The following DRC7 variants were observed in gnomAD, a reference collection of about 807,000 sequenced individuals.
DRC7 encodes the protein coiled-coil domain containing 135.
In DRC7, 80 loss-of-function variants were observed where a neutral mutation model predicts 104.4. That is an observed-to-expected ratio of 0.77 (90% CI 0.64 to 0.92). The LOEUF is 0.92. Among genes scored for constraint, DRC7 ranks in the 40% least tolerant of loss-of-function variants. The pLI is 0.00. For missense variants in DRC7, 1,034 were observed against 1,141.1 expected (o/e 0.91, Z 1.35); for synonymous variants, 405 against 447.3 (o/e 0.91, Z 1.19).
Position 57,727,379 on chromosome 16 carries a change from T to G in DRC7, c.2166T>G (p.Asn722Lys). 6.2e-7 allele frequency: 1 copy of G among 1,613,348 alleles called. No individual in the cohort carries two copies. Among genetic ancestry groups the G allele is most frequent in the Non-Finnish European group, 8.5e-7 (1 of 1,179,826 alleles). The change falls in exon 16 of 19, where the codon AAT (asparagine) becomes AAG (lysine). Residue 722 changes from asparagine to lysine, a missense_variant. Asn to Lys is a moderately conservative substitution (Grantham distance 94, BLOSUM62 0). Coordinates refer to ENST00000360716, the MANE Select transcript of DRC7 (RefSeq NM_001289162.2). ...TCTCCATCTATGACACCAAGCGGAA[T>G]GAGAAGAGCAAGGAATATCGGGAGG... ...LTISIYDTKR[N>K]EKSKEYREAM...
At chr16:57,715,628 A>G (rs1350725026) in intron 8 of DRC7, among the ~76,000 whole-genome samples, 1 of 152,228 alleles carries the variant, frequency 6.6e-6, no homozygotes, top group African/African-American at 2.4e-5. Flanking sequence ...CTAGCTGTTC[A>G]ATAAATGTTA....
At chr16:57,729,909 GGTGGGTGGATGGATGA>G (rs2049036087) in intron 17 of DRC7, among the ~76,000 whole-genome samples, 2 of 133,726 alleles carry the variant, frequency 1.5e-5, no homozygotes, top group Non-Finnish European at 3.2e-5. Flanking sequence ...TGAGTGAGTA[GGTGGGTGGATGGATGA>G]GTGGGTGGGT....
intron 7 of DRC7, among the ~76,000 whole-genome samples, chr16:57,705,790 CCATCCATCCTCCCATT>C (rs1316512240): frequency 8.9e-5 from 12 of 134,928 alleles, no homozygotes; most frequent in Admixed American, 3.7e-4. Flanking sequence ...ATCCTCCCAT[CCATCCATCCTCCCATT>C]TCTCCTCCCA....
chr16:57,730,822 T>C (rs1206932609), intron 17 of DRC7, 109 bp from the exon 18 acceptor site: 1 of 1,240,526 alleles, frequency 8.1e-7, no homozygotes, highest in African/African-American at 1.5e-5. Context: ...GTGGGGACAC[T>C]GGGGCCAACC....
At chr16:57,726,625 G>A (rs578220709) in intron 14 of DRC7, 5 of 556,914 alleles carry the variant, frequency 9.0e-6, no homozygotes, top group Admixed American at 6.2e-5. Context: ...TCACTCTCCC[G>A]GCACAGTCCC....
chr16:57,727,717 G>C (rs2048989050), intron 16 of DRC7, among the ~76,000 whole-genome samples: 1 of 152,252 alleles, frequency 6.6e-6, no homozygotes, highest in Admixed American at 6.5e-5. Flanking sequence ...CCCTGGGCCA[G>C]TGGCCCCAGT....
In DRC7 at chr16:57,727,423, C is replaced by T. The variant is rs866557743; in HGVS notation, c.2196+14C>T. The T allele has an allele frequency of 6.3e-7, 1 of 1,590,062 alleles. No individual in the cohort carries two copies. Among genetic ancestry groups the T allele is most frequent in the Non-Finnish European group, 8.6e-7 (1 of 1,158,886 alleles). On this transcript the variant is annotated intron_variant, in intron 16 of 18. Transcript: ENST00000360716. ...CGGGAGGCCATGGTCAGTCCCAATC[C>T]CTTCTCCAGGCCCCAGCTTTTCCTA...
In DRC7 at chr16:57,727,418, C is replaced by T. The variant is rs755515282; in HGVS notation, c.2196+9C>T. On this transcript the variant is annotated intron_variant, in intron 16 of 18. Transcript: ENST00000360716. ...AATATCGGGAGGCCATGGTCAGTCC[C>T]AATCCCTTCTCCAGGCCCCAGCTTT... is the stretch of plus-strand genomic sequence containing the variant. 5 of 1,600,396 alleles carry T rather than the reference C, an allele frequency of 3.1e-6. No homozygotes were observed. The highest frequency in any genetic ancestry group is 4.3e-6 in the Non-Finnish European group (5 of 1,168,234).
At chr16:57,697,536 C>T (rs1478207685) in intron 2 of DRC7, among the ~76,000 whole-genome samples, 2 of 151,544 alleles carry the variant, frequency 1.3e-5, no homozygotes, top group Admixed American at 1.3e-4. Flanking sequence ...CTGCTGCACT[C>T]CAAGCCTGAG....
At chr16:57,700,704 C>T (rs1048647612) in intron 5 of DRC7, among the ~76,000 whole-genome samples, 19 of 147,982 alleles carry the variant, frequency 1.3e-4, no homozygotes, top group Non-Finnish European at 2.2e-4. Flanking sequence ...TGGAGAACAG[C>T]GAAAGTGAGA....
At position 57,731,262 on chromosome 16, in the gene DRC7, C is replaced by T. The variant is rs2049059654; in HGVS notation, c.*4C>T. On this transcript the variant is annotated 3_prime_UTR_variant, in exon 19 of 19. Coordinates refer to ENST00000360716, the MANE Select transcript of DRC7 (RefSeq NM_001289162.2). ...GCTCCAGAAAATATTCGCTTGATGT[C>T]CCTCCTGGGGCCTCAGCCAGAGCTG... is the stretch of plus-strand genomic sequence containing the variant. 1.2e-6 allele frequency: 2 copies of T among 1,610,354 alleles called. No individual in the cohort carries two copies. The highest frequency in any genetic ancestry group is 1.7e-6 in the Non-Finnish European group (2 of 1,177,370).
At chr16:57,703,889 C>G (rs1052778487) in intron 6 of DRC7, among the ~76,000 whole-genome samples, 1 of 147,764 alleles carries the variant, frequency 6.8e-6, no homozygotes, top group East Asian at 2.0e-4. Flanking sequence ...ATCGCTTGAA[C>G]CTGCAAGGTG....
chr16:57,726,321 A>C, intron 14 of DRC7, 38 bp downstream of exon 14: 2 of 1,563,476 alleles, frequency 1.3e-6, no homozygotes, highest in Non-Finnish European at 1.8e-6. Flanking sequence ...GGTCGGCTGC[A>C]GGAGGAACCG....
intron 8 of DRC7, among the ~76,000 whole-genome samples, chr16:57,708,810 T>C (rs188579772): frequency 1.3e-5 from 2 of 152,318 alleles, no homozygotes; most frequent in East Asian, 3.9e-4. Flanking sequence ...CATGTAATGG[T>C]ATTGCACTGT....
In DRC7 at chr16:57,698,157, G is replaced by C; in HGVS notation, c.203+5G>C. On this transcript the variant is annotated splice_donor_5th_base_variant and intron_variant, in intron 3 of 18. Coordinates refer to ENST00000360716, the MANE Select transcript of DRC7 (RefSeq NM_001289162.2). ...CACTGTCTCAGCGGAGCTCCCGTGA[G>C]TGTGGCAGGGTGGGGGCCCTGGCAA... The C allele has an allele frequency of 1.9e-6, 3 of 1,613,948 alleles. No individual in the cohort carries two copies. Among genetic ancestry groups the C allele is most frequent in the Non-Finnish European group, 2.5e-6 (3 of 1,179,976 alleles).
chr16:57,726,718 C>A, intron 14 of DRC7, 114 bp from the exon 15 acceptor site: 1 of 635,764 alleles, frequency 1.6e-6, no homozygotes, highest in Non-Finnish European at 2.9e-6. Flanking sequence ...AGAGGTTTAG[C>A]AACTTGCTCG....
In DRC7 at chr16:57,697,945, C is replaced by A. The variant is rs2048614160; in HGVS notation, c.-5C>A. 2 of 1,611,414 alleles carry A rather than the reference C, an allele frequency of 1.2e-6. No homozygotes were observed. Among genetic ancestry groups the A allele is most frequent in the Non-Finnish European group, 1.7e-6 (2 of 1,179,408 alleles). ...CCATCTCCAGACACCCAGAGACGCT[C>A]CAGAATGGAGGTCCTGAGGGAGAAG... On this transcript the variant is annotated 5_prime_UTR_variant, in exon 3 of 19. Transcript: ENST00000360716.
intron 17 of DRC7, among the ~76,000 whole-genome samples, chr16:57,729,581 A>G (rs1249672497): frequency 5.4e-3 from 80 of 14,782 alleles, no homozygotes; most frequent in Middle Eastern, 0.042. Context: ...TGGATGGATG[A>G]GTGGGTGGGT....
intron 6 of DRC7, among the ~76,000 whole-genome samples, chr16:57,704,632 A>C (rs1279097768): frequency 3.9e-5 from 6 of 152,172 alleles, no homozygotes; most frequent in African/African-American, 1.4e-4. Flanking sequence ...TTTACTTCTC[A>C]GAAAGAGGCT....
Sources: gnomAD v4.1 joint callset for allele counts (sites outside exome capture counted in the v4.1 genomes callset) on GRCh38, gnomAD v4.1.1 for gene constraint, MANE v1.5 for transcripts, NCBI Gene and HGNC (gene_info 2026-07-23, HGNC 2026-07-21) for gene names.